Variants in SLC31A1 observed in about 807,000 individuals in gnomAD.
SLC31A1 encodes high affinity copper uptake protein 1.
In SLC31A1, 5 loss-of-function variants were observed where a neutral mutation model predicts 17.2. That is an observed-to-expected ratio of 0.29 (90% CI 0.15 to 0.61). The LOEUF (loss-of-function observed/expected upper bound fraction) is 0.61. SLC31A1 is among the 20% of genes least tolerant of loss of function. The pLI is 0.86. For synonymous variants in SLC31A1, 76 were observed against 78.8 expected (o/e 0.96, Z 0.19); for missense variants, 161 against 241.4 (o/e 0.67, Z 2.21).
chr9:113,244,710 T>C (rs1056961757), intron 1 of SLC31A1, among the ~76,000 whole-genome samples: 1 of 152,190 alleles, frequency 6.6e-6, no homozygotes, highest in East Asian at 1.9e-4. Context: ...CCAGGTTTTA[T>C]TGGAGAAGTT....
intron 1 of SLC31A1, among the ~76,000 whole-genome samples, chr9:113,240,837 G>A (rs542080995): frequency 1.4e-4 from 22 of 152,156 alleles, no homozygotes; most frequent in African/African-American, 5.1e-4. Flanking sequence ...ATCACTTGAG[G>A]TCAGGAGTTT....
chr9:113,253,253 CCAAGT>C (rs1352121997), intron 1 of SLC31A1, among the ~76,000 whole-genome samples: 2 of 151,998 alleles, frequency 1.3e-5, no homozygotes, highest in Admixed American at 6.6e-5. Flanking sequence ...CCGCGCCTGG[CCAAGT>C]CTTTTCATTC....
intron 1 of SLC31A1, among the ~76,000 whole-genome samples, chr9:113,237,715 TTAATC>T (rs1168150346): frequency 6.6e-6 from 1 of 152,218 alleles, no homozygotes; most frequent in Non-Finnish European, 1.5e-5. Flanking sequence ...CTATTCTTGT[TTAATC>T]TAGGCCTATT....
At chr9:113,235,282 A>G (rs1831444239) in intron 1 of SLC31A1, among the ~76,000 whole-genome samples, 1 of 152,220 alleles carries the variant, frequency 6.6e-6, no homozygotes, top group African/African-American at 2.4e-5. Context: ...TTCAATTTAT[A>G]CCCACCAGAA....
At chr9:113,223,671 C>T (rs763968857) in intron 1 of SLC31A1, among the ~76,000 whole-genome samples, 1 of 152,188 alleles carries the variant, frequency 6.6e-6, no homozygotes, top group South Asian at 2.1e-4. Context: ...TTTTTTTCTC[C>T]ACCCTCCACT....
chr9:113,239,511 T>G (rs1249069106), intron 1 of SLC31A1, among the ~76,000 whole-genome samples: 1 of 152,230 alleles, frequency 6.6e-6, no homozygotes, highest in African/African-American at 2.4e-5. Flanking sequence ...GCAGGAAACA[T>G]GAGTGCCTGC....
intron 1 of SLC31A1, among the ~76,000 whole-genome samples, chr9:113,224,439 T>C (rs541708505): frequency 6.6e-6 from 1 of 152,188 alleles, no homozygotes; most frequent in East Asian, 1.9e-4. Context: ...CTTTTTTTTT[T>C]TTTTTTGAGA....
At chr9:113,248,167 C>T (rs565756317) in intron 1 of SLC31A1, among the ~76,000 whole-genome samples, 39 of 151,938 alleles carry the variant, frequency 2.6e-4, no homozygotes, top group Admixed American at 2.5e-3. Flanking sequence ...AAAAATACAA[C>T]AAAAAAATTA....
At chr9:113,255,413 A>C (rs540399443) in intron 1 of SLC31A1, among the ~76,000 whole-genome samples, 4 of 152,324 alleles carry the variant, frequency 2.6e-5, no homozygotes, top group African/African-American at 7.2e-5. Flanking sequence ...TATTAAGCAT[A>C]CCTATTAAAG....
chr9:113,233,080 A>G (rs924916830), intron 1 of SLC31A1, among the ~76,000 whole-genome samples: 2 of 152,242 alleles, frequency 1.3e-5, no homozygotes, highest in Admixed American at 6.5e-5. Context: ...AGAGGAAACT[A>G]ACTTACCCTC....
chr9:113,256,333 A>G (rs909038750), intron 2 of SLC31A1, 56 bp downstream of exon 2: 24 of 1,596,726 alleles, frequency 1.5e-5, no homozygotes, highest in Middle Eastern at 1.7e-4. Flanking sequence ...GGGTAATAGA[A>G]ATAATGGAAT....
chr9:113,237,223 G>A (rs562889493), intron 1 of SLC31A1, among the ~76,000 whole-genome samples: 19 of 152,260 alleles, frequency 1.2e-4, no homozygotes, highest in African/African-American at 4.6e-4. Flanking sequence ...CAGTTGTAGC[G>A]CATACTGTAT....
intron 1 of SLC31A1, among the ~76,000 whole-genome samples, chr9:113,235,853 G>A (rs1216054381): frequency 6.6e-6 from 1 of 152,214 alleles, no homozygotes; most frequent in Admixed American, 6.5e-5. Flanking sequence ...GCCTCTCAGA[G>A]CAGATGATTG....
At chr9:113,221,853 G>A (rs948113046) in intron 1 of SLC31A1, among the ~76,000 whole-genome samples, 175 bp downstream of exon 1, 1 of 152,250 alleles carries the variant, frequency 6.6e-6, no homozygotes, top group Non-Finnish European at 1.5e-5. Context: ...CATAGCCAGA[G>A]TGACCTTGGG....
At chr9:113,223,728 A>G (rs1056531767) in intron 1 of SLC31A1, among the ~76,000 whole-genome samples, 5 of 152,112 alleles carry the variant, frequency 3.3e-5, no homozygotes, top group Non-Finnish European at 7.3e-5. Context: ...TTATTTTCAA[A>G]TTATCAGCAA....
chr9:113,260,999 G>T lies in SLC31A1; in HGVS notation c.*526G>T, dbSNP rs1831786784. The stretch of plus-strand genomic sequence containing the variant: ...TCCAGGGCCGGACACAGTGGCCCAT[G>T]CCTGTAATCCCAGCACTTTGGGGGG... On this transcript the variant is annotated 3_prime_UTR_variant, in exon 5 of 5. Transcript: ENST00000374212. 4.8e-6 allele frequency: 1 copy of T among 210,362 alleles called. No individual in the cohort carries two copies. The highest frequency in any genetic ancestry group is 9.7e-6 in the Non-Finnish European group (1 of 103,000). 13.0% of individuals were successfully genotyped at this position (210,362 alleles called of 1,614,324 possible).
At chr9:113,224,010 G>A (rs1016544052) in intron 1 of SLC31A1, among the ~76,000 whole-genome samples, 1 of 152,158 alleles carries the variant, frequency 6.6e-6, no homozygotes, top group Non-Finnish European at 1.5e-5. Context: ...ACATTTTAAC[G>A]AACACATAAA....
chr9:113,258,984 A>G lies in SLC31A1; in HGVS notation c.371+122A>G. On this transcript the variant is annotated intron_variant, in intron 4 of 4. Coordinates refer to ENST00000374212, the MANE Select transcript of SLC31A1 (RefSeq NM_001859.4). The surrounding 1 kb of genome is among the most constrained non-coding windows in gnomAD (Gnocchi z 4.8). The stretch of plus-strand genomic sequence containing the variant: ...TAGGAGTTCTGTATGACCTTGATCA[A>G]AACTGTCCTTGGAGGTTTGGGTTTG... The G allele has an allele frequency of 9.6e-7, 1 of 1,040,496 alleles. No homozygotes were observed. Among genetic ancestry groups the G allele is most frequent in the Non-Finnish European group, 1.5e-6 (1 of 673,724 alleles). 64.5% of individuals were successfully genotyped at this position (1,040,496 alleles called of 1,614,324 possible).
chr9:113,237,698 T>G (rs905628808), intron 1 of SLC31A1, among the ~76,000 whole-genome samples: 1 of 152,208 alleles, frequency 6.6e-6, no homozygotes, highest in Non-Finnish European at 1.5e-5. Flanking sequence ...ATCTGAAAAA[T>G]GAATAACTAT....
Sources: gnomAD v4.1 joint callset for allele counts (sites outside exome capture counted in the v4.1 genomes callset) on GRCh38, gnomAD v4.1.1 for gene constraint, Gnocchi (gnomAD v3.1) non-coding constraint, MANE v1.5 for transcripts, NCBI Gene and HGNC (gene_info 2026-07-23, HGNC 2026-07-21) for gene names.